HP1BP3: variants seen among roughly 807,000 people sequenced by gnomAD.
The protein encoded by HP1BP3 is heterochromatin protein 1 binding protein 3, also known as heterochromatin protein 1-binding protein 3.
HP1BP3 carries 12 observed loss-of-function variants against 62.5 expected under a neutral mutation model. That is an observed-to-expected ratio of 0.19 (90% confidence interval 0.12 to 0.31). HP1BP3 has a LOEUF of 0.31. HP1BP3 is among the 10% of genes least tolerant of loss of function. HP1BP3 has a pLI of 1.00. For missense variants in HP1BP3, 502 were observed against 651.8 expected (o/e 0.77, Z 2.50); for synonymous variants, 260 against 237.8 (o/e 1.09, Z -0.86).
intron 5 of HP1BP3, among the ~76,000 whole-genome samples, chr1:20,772,141 T>C (rs1160412676): frequency 1.3e-5 from 2 of 152,232 alleles, no homozygotes; most frequent in Non-Finnish European, 2.9e-5. Context: ...AATAATCTTT[T>C]GCTCCACCAA....
rs1021209692 is a variant in HP1BP3, at chr1:20,742,072, C to T, written c.*2725G>A. 6.6e-6 allele frequency among the ~76,000 whole-genome samples: 1 copy of T among 152,178 alleles called. No individual in the cohort carries two copies. Among genetic ancestry groups the T allele is most frequent in the Non-Finnish European group, 1.5e-5 (1 of 68,042 alleles). On this transcript the variant is annotated 3_prime_UTR_variant, in exon 13 of 13. Coordinates refer to ENST00000438032, the MANE Select transcript of HP1BP3 (RefSeq NM_001372052.1). ...AACAGAACGTTAGAGTTGGAAGAAA[C>T]TTTAAATGATCTAAACTTCTCAGCC... is the stretch of plus-strand genomic sequence containing the variant.
At chr1:20,745,926 C>T (rs2055291507) in intron 11 of HP1BP3, among the ~76,000 whole-genome samples, 1 of 152,122 alleles carries the variant, frequency 6.6e-6, no homozygotes, top group South Asian at 2.1e-4. Context: ...TAAACAATTA[C>T]TTAAACTCCT....
chr1:20,748,519 G>A (rs539391613), intron 10 of HP1BP3, among the ~76,000 whole-genome samples: 4 of 152,334 alleles, frequency 2.6e-5, no homozygotes, highest in South Asian at 4.1e-4. Context: ...GGCCGAGGCC[G>A]GCAGATCACG....
At chr1:20,750,962 C>T (rs969240893) in intron 9 of HP1BP3, among the ~76,000 whole-genome samples, 2 of 151,550 alleles carry the variant, frequency 1.3e-5, no homozygotes, top group Non-Finnish European at 1.5e-5. Context: ...GGATTACAGG[C>T]GCCCACCACC....
intron 6 of HP1BP3, 44 bp downstream of exon 6, chr1:20,770,886 T>C (rs755665206): frequency 6.9e-7 from 1 of 1,454,006 alleles, no homozygotes; most frequent in South Asian, 1.3e-5. Context: ...GACTTAAAGC[T>C]AATACACAAT....
intron 3 of HP1BP3, among the ~76,000 whole-genome samples, chr1:20,778,431 G>T (rs2154541380): frequency 6.6e-6 from 1 of 152,282 alleles, no homozygotes; most frequent in Non-Finnish European, 1.5e-5. Flanking sequence ...TAAACTTCTG[G>T]TTGAGTTTTC....
chr1:20,779,335 T>C (rs77567131), intron 3 of HP1BP3, among the ~76,000 whole-genome samples: 1,983 of 152,248 alleles, frequency 0.013, 41 homozygotes, highest in African/African-American at 0.043. Context: ...TATGTTTCTT[T>C]CCATTTGTTA....
chr1:20,781,810 G>A (rs572250556), intron 1 of HP1BP3, among the ~76,000 whole-genome samples: 2 of 152,034 alleles, frequency 1.3e-5, no homozygotes, highest in Non-Finnish European at 2.9e-5. Flanking sequence ...ATTTTTAGTA[G>A]AGATGGGGTT....
In HP1BP3 at chr1:20,780,358, T is replaced by C; in HGVS notation, c.83A>G (p.Asp28Gly). The C allele has an allele frequency of 1.9e-6, 3 of 1,613,144 alleles. No homozygotes were observed. Among genetic ancestry groups the C allele is most frequent in the Non-Finnish European group, 2.5e-6 (3 of 1,179,100 alleles). Reference sequence around the variant, plus strand: ...GTCAGCCCCTACCTCACCTAACTTGTCCGCGTGGATCAGCTGAGCTCCTAC... The same window carrying C: ...GTCAGCCCCTACCTCACCTAACTTGCCCGCGTGGATCAGCTGAGCTCCTAC... ...LIVGAQLIHA[D>G]KLGEKVEDST... The change falls in exon 2 of 13, where the codon GAC becomes GGC. Residue 28 changes from aspartate (D) to glycine (G), a missense_variant. By Grantham distance (94) the Asp-to-Gly change is moderately conservative. This residue lies in a region of HP1BP3 where 165 missense variants were observed against 156.4 expected (regional missense o/e 1.05). Transcript: ENST00000438032.
chr1:20,748,739 G>A (rs1352422983), intron 10 of HP1BP3, among the ~76,000 whole-genome samples: 1 of 151,828 alleles, frequency 6.6e-6, no homozygotes, highest in East Asian at 1.9e-4. Flanking sequence ...CCCCCAGCCT[G>A]GGCAACACAG....
intron 6 of HP1BP3, among the ~76,000 whole-genome samples, chr1:20,769,276 G>A (rs1442981906): frequency 6.6e-6 from 1 of 152,134 alleles, no homozygotes; most frequent in East Asian, 1.9e-4. Context: ...TTTTTGTAAA[G>A]GCTGGGCATG....
In HP1BP3 at chr1:20,744,377, A is replaced by C. The variant is rs1030551680; in HGVS notation, c.*420T>G. On this transcript the variant is annotated 3_prime_UTR_variant, in exon 13 of 13. Coordinates refer to ENST00000438032, the MANE Select transcript of HP1BP3 (RefSeq NM_001372052.1). ...GAGGCTTTACAACTCAGTCAGTGCT[A>C]TATTGTGCCTCCATTTTACTTCCAG... 5.8e-6 allele frequency: 1 copy of C among 172,004 alleles called. No individual in the cohort carries two copies. The allele number at this position is 172,004 out of a possible 1,614,324, so 10.7% of individuals were successfully genotyped here.
At chr1:20,757,874 G>A (rs12135548) in intron 8 of HP1BP3, among the ~76,000 whole-genome samples, 62,298 of 151,798 alleles carry the variant, frequency 0.41, 13,068 homozygotes, top group African/African-American at 0.43. Context: ...GGCCAGGCGC[G>A]GTGGCTCACG....
intron 4 of HP1BP3, among the ~76,000 whole-genome samples, chr1:20,775,198 G>A (rs1361348984): frequency 6.6e-6 from 1 of 152,162 alleles, no homozygotes. Context: ...GGAAATGACA[G>A]GTCCATGTGT....
intron 9 of HP1BP3, among the ~76,000 whole-genome samples, chr1:20,753,845 T>A (rs2055928432): frequency 6.6e-6 from 1 of 152,076 alleles, no homozygotes; most frequent in South Asian, 2.1e-4. Context: ...CCCAGGAAAC[T>A]AGTAGTATAT....
At chr1:20,776,300 T>C (rs2154541262) in intron 4 of HP1BP3, 1 of 427,906 alleles carries the variant, frequency 2.3e-6, no homozygotes, top group South Asian at 5.0e-5. Context: ...TATTGAAGTC[T>C]TGCCAATGCT....
At chr1:20,768,320 C>A (rs530980115) in intron 6 of HP1BP3, among the ~76,000 whole-genome samples, 1 of 152,218 alleles carries the variant, frequency 6.6e-6, no homozygotes, top group Admixed American at 6.5e-5. Flanking sequence ...GTGGCGGGTG[C>A]CTGTAGTCCC....
chr1:20,767,112 G>A (rs1016573936), intron 7 of HP1BP3, among the ~76,000 whole-genome samples: 38 of 152,118 alleles, frequency 2.5e-4, no homozygotes, highest in African/African-American at 8.4e-4. Flanking sequence ...GAGGTCAAGA[G>A]TTCAAGACCA....
At chr1:20,770,802 C>A in intron 6 of HP1BP3, 128 bp downstream of exon 6, 1 of 709,754 alleles carries the variant, frequency 1.4e-6, no homozygotes. Flanking sequence ...CTAGGTTAAA[C>A]TTAAGGAATT....
Sources: allele counts gnomAD v4.1 joint callset (sites outside exome capture counted in the v4.1 genomes callset), GRCh38; gene constraint gnomAD v4.1.1; regional missense constraint gnomAD v4.1.1; transcripts MANE v1.5; gene names NCBI Gene and HGNC (gene_info 2026-07-23, HGNC 2026-07-21).